Variants in NTRK1 observed in about 807,000 individuals in gnomAD.
The protein encoded by NTRK1 is high affinity nerve growth factor receptor.
In NTRK1, 62 loss-of-function variants were observed where a neutral mutation model predicts 86.8. The observed-to-expected ratio is 0.71, with a 90% CI of 0.58 to 0.88. NTRK1 has a LOEUF of 0.88. NTRK1 is among the 40% of genes least tolerant of loss of function. The pLI is 0.00. For synonymous variants in NTRK1, 469 were observed against 456.6 expected, an observed-to-expected ratio of 1.03 and a Z score of -0.35; for missense variants, 967 against 1,078.4, an observed-to-expected ratio of 0.90 and a Z score of 1.45.
intron 1 of NTRK1, chr1:156,816,938 G>A: frequency 2.4e-6 from 1 of 410,082 alleles, no homozygotes; most frequent in Non-Finnish European, 4.4e-6. Flanking sequence ...TAGCGGTGGG[G>A]GGTATCTGTG....
At chr1:156,830,334 G>A (rs527462185) in intron 1 of NTRK1, among the ~76,000 whole-genome samples, 19 of 152,340 alleles carry the variant, frequency 1.2e-4, no homozygotes, top group Non-Finnish European at 2.5e-4. Context: ...CTGTCTACAT[G>A]CAGCCCAGGT....
Position 156,853,060 on chromosome 1 carries a change from T to A in NTRK1, c.50+10867T>A, listed in dbSNP as rs150652812. ...TTACTCCTGCACCAGCCATCCCTTT[T>A]CTTTCCTCCTTTCTCCTTTCTCTAC... On this transcript the variant is annotated intron_variant, in intron 2 of 16. Transcript: ENST00000392302. Among the ~76,000 whole-genome samples the A allele has an allele frequency of 8.2e-3, 1,251 of 152,240 alleles. 13 individuals are homozygous for A. The highest frequency in any genetic ancestry group is 0.027 in the African/African-American group (1,133 of 41,510).
intron 12 of NTRK1, 63 bp from the exon 13 acceptor site, chr1:156,876,016 TC>T: frequency 1.2e-6 from 2 of 1,612,998 alleles, no homozygotes; most frequent in East Asian, 2.2e-5. Flanking sequence ...GCCAAGACAG[TC>T]CCCGCTACAA....
rs1385295440 is a variant in NTRK1, at chr1:156,842,089, C to T, written c.-55C>T. 2 of 1,613,740 alleles carry T rather than the reference C, an allele frequency of 1.2e-6. No individual in the cohort carries two copies. On this transcript the variant is annotated 5_prime_UTR_variant, in exon 2 of 17. Coordinates refer to the NTRK1 transcript ENST00000392302. ...GTCTCTCTACTTTTCAGGCCGCCCT[C>T]ATCTGCCTGGCACCCTCTGTACCCC...
intron 1 of NTRK1, among the ~76,000 whole-genome samples, chr1:156,839,201 G>A (rs1028178851): frequency 1.3e-5 from 2 of 152,224 alleles, no homozygotes; most frequent in African/African-American, 4.8e-5. Context: ...ACGGCCTCAC[G>A]CAGACTCGTG....
chr1:156,860,728 G>A, upstream of NTRK1: 1 of 1,001,242 alleles, frequency 1.0e-6, no homozygotes, highest in Non-Finnish European at 1.3e-6. Context: ...CCCCTAACAG[G>A]GGAGGGGGCA....
In NTRK1 at chr1:156,875,613, G is replaced by A. The variant is rs1647855568; in HGVS notation, c.1448G>A (p.Gly483Asp). The A allele has an allele frequency of 1.2e-6, 2 of 1,613,868 alleles. No individual in the cohort carries two copies. The highest frequency in any genetic ancestry group is 1.6e-4 in the Middle Eastern group (1 of 6,062). The change falls in exon 12 of 17, where the codon GGC becomes GAC. Residue 483 changes from glycine to aspartate, a missense_variant. By Grantham distance (94) the Gly-to-Asp change is moderately conservative (BLOSUM62 -1). Transcript: ENST00000524377. Reference sequence around the variant, plus strand: ...TCCCTGTCCCCCACCGAGGGCAAAGGCTCTGGGCTCCAAGGCCACATCATC... The same window carrying A: ...TCCCTGTCCCCCACCGAGGGCAAAGACTCTGGGCTCCAAGGCCACATCATC... The part of the protein sequence containing the change: ...GSSLSPTEGK[G>D]SGLQGHIIEN...
chr1:156,843,428 A>C (rs539556275), intron 2 of NTRK1: 18 of 1,613,912 alleles, frequency 1.1e-5, no homozygotes, highest in Non-Finnish European at 1.5e-5. Context: ...CAGACCTACT[A>C]TCAGAGGCGC....
chr1:156,874,261 AT>A (rs1647755887), intron 8 of NTRK1, 121 bp from the exon 9 acceptor site: 1 of 1,463,540 alleles, frequency 6.8e-7, no homozygotes, highest in South Asian at 1.1e-5. Context: ...GCCCACCTCC[AT>A]CCCCCCTCGT....
intron 2 of NTRK1, chr1:156,843,161 A>C: frequency 6.2e-7 from 1 of 1,614,010 alleles, no homozygotes. Context: ...TACCATCCCA[A>C]AAGAGCCCTG....
At chr1:156,850,599 G>C (rs1002723607) in intron 2 of NTRK1, among the ~76,000 whole-genome samples, 11 of 128,442 alleles carry the variant, frequency 8.6e-5, no homozygotes, top group Non-Finnish European at 1.4e-4. Context: ...TCAGGCCCTA[G>C]GCTGGAGTGC....
chr1:156,849,509 G>GCCC, intron 2 of NTRK1: 1 of 1,105,816 alleles, frequency 9.0e-7, no homozygotes, highest in Admixed American at 1.8e-5. Flanking sequence ...GGGGCAGGGG[G>GCCC]TGGGAAAGGG....
intron 2 of NTRK1, among the ~76,000 whole-genome samples, chr1:156,855,028 T>A (rs1411041317): frequency 6.6e-6 from 1 of 152,182 alleles, no homozygotes; most frequent in Non-Finnish European, 1.5e-5. Flanking sequence ...GCTTTACTAC[T>A]ATAACAAGCC....
upstream of NTRK1, among the ~76,000 whole-genome samples, chr1:156,857,831 CT>C (rs757525446): frequency 4.3e-4 from 65 of 152,322 alleles, no homozygotes; most frequent in African/African-American, 1.3e-3. Flanking sequence ...TAATCCTTCC[CT>C]TTTTGAAGCT....
At chr1:156,842,543 T>A in intron 2 of NTRK1, 1 of 1,566,778 alleles carries the variant, frequency 6.4e-7, no homozygotes, top group Non-Finnish European at 8.8e-7. Context: ...GACCCCCTAG[T>A]TCCCCTTGAC....
In NTRK1 at chr1:156,875,579, G is replaced by A. The variant is rs2102915453; in HGVS notation, c.1414G>A (p.Gly472Ser). 1 of 1,613,960 alleles carries A rather than the reference G, an allele frequency of 6.2e-7. No individual in the cohort carries two copies. Among genetic ancestry groups the A allele is most frequent in the Non-Finnish European group, 8.5e-7 (1 of 1,179,992 alleles). ...CATGTCCCTGCATTTCATGACATTG[G>A]GTGGCAGCTCCCTGTCCCCCACCGA... ...LAMSLHFMTL[G>S]GSSLSPTEGK... The change falls in exon 12 of 17, where the codon GGT becomes AGT. Residue 472 changes from glycine to serine, a missense_variant. Physicochemically the swap from Gly to Ser is moderately conservative, Grantham distance 56. Transcript: ENST00000524377.
At chr1:156,869,982 C>T (rs921331918) in intron 6 of NTRK1, among the ~76,000 whole-genome samples, 1 of 152,182 alleles carries the variant, frequency 6.6e-6, no homozygotes, top group African/African-American at 2.4e-5. Flanking sequence ...TTGCTGGAGG[C>T]CCCTGGAACC....
intron 2 of NTRK1, among the ~76,000 whole-genome samples, chr1:156,848,072 G>A (rs1222851708): frequency 2.0e-5 from 3 of 152,058 alleles, no homozygotes; most frequent in African/African-American, 7.3e-5. Context: ...TCAGTGGGGG[G>A]CGAGGCCCAG....
intron 14 of NTRK1, 29 bp from the exon 15 acceptor site, chr1:156,879,093 C>G (rs1463876045): frequency 1.9e-6 from 3 of 1,612,000 alleles, no homozygotes; most frequent in Non-Finnish European, 1.7e-6. Context: ...ATCCTCCCAG[C>G]CTATCCCCTC....
Sources: allele counts gnomAD v4.1 joint callset (sites outside exome capture counted in the v4.1 genomes callset), GRCh38; gene constraint gnomAD v4.1.1; transcripts MANE v1.5; gene names NCBI Gene and HGNC (gene_info 2026-07-23, HGNC 2026-07-21).